FGF14: variants seen among roughly 807,000 people sequenced by gnomAD.
FGF14 encodes the protein fibroblast growth factor 14.
FGF14 carries 5 observed loss-of-function variants against 25.5 expected under a neutral mutation model. The observed-to-expected ratio is 0.20, with a 90% CI of 0.10 to 0.41. FGF14 has a LOEUF of 0.41. Among genes scored for constraint, FGF14 ranks in the 10% least tolerant of loss-of-function variants. The pLI, the probability that FGF14 is intolerant of heterozygous loss-of-function variation, is 1.00. For missense variants in FGF14, 222 were observed against 320.1 expected (o/e 0.69, Z 2.34); for synonymous variants, 138 against 118.3 (o/e 1.17, Z -1.08).
intron 1 of FGF14, among the ~76,000 whole-genome samples, chr13:102,039,247 T>C (rs2041616756): frequency 6.6e-6 from 1 of 152,190 alleles, no homozygotes; most frequent in Non-Finnish European, 1.5e-5. Flanking sequence ...CATTCTCCTG[T>C]TTCAAGATAA....
intron 1 of FGF14, among the ~76,000 whole-genome samples, chr13:102,145,441 T>C (rs768742390): frequency 6.6e-6 from 1 of 152,202 alleles, no homozygotes; most frequent in Non-Finnish European, 1.5e-5. Flanking sequence ...CCTAGATGAA[T>C]GTCATTATGC....
chr13:102,005,697 A>G (rs2039748103), intron 1 of FGF14, among the ~76,000 whole-genome samples: 1 of 152,218 alleles, frequency 6.6e-6, no homozygotes, highest in Non-Finnish European at 1.5e-5. Context: ...TTAATCTTAT[A>G]AAACTAGCTA....
At chr13:102,256,084 T>C (rs1253940943) in intron 1 of FGF14, among the ~76,000 whole-genome samples, 2 of 152,176 alleles carry the variant, frequency 1.3e-5, no homozygotes, top group African/African-American at 2.4e-5. Flanking sequence ...GCACAGCAAT[T>C]ACTCAAACTC....
chr13:101,789,698 G>T (rs1203476691), intron 3 of FGF14, among the ~76,000 whole-genome samples: 1 of 151,804 alleles, frequency 6.6e-6, no homozygotes, highest in Admixed American at 6.6e-5. Context: ...GGTAAACTGG[G>T]GTGAGAAGAC....
At chr13:102,051,897 C>A (rs1212177070) in intron 1 of FGF14, among the ~76,000 whole-genome samples, 2 of 152,110 alleles carry the variant, frequency 1.3e-5, no homozygotes, top group South Asian at 2.1e-4. Flanking sequence ...CCATAATAAT[C>A]TCTTAGTAGC....
intron 1 of FGF14, among the ~76,000 whole-genome samples, chr13:102,323,000 A>G (rs1014104226): frequency 1.3e-5 from 2 of 152,102 alleles, no homozygotes; most frequent in Non-Finnish European, 2.9e-5. Context: ...TTACGCTAGC[A>G]TTTCTTAAAC....
chr13:102,346,860 G>A (rs1022466504), intron 1 of FGF14, among the ~76,000 whole-genome samples: 1 of 152,110 alleles, frequency 6.6e-6, no homozygotes, highest in African/African-American at 2.4e-5. Flanking sequence ...TTTAGTATTA[G>A]TCAACAATAT....
intron 1 of FGF14, among the ~76,000 whole-genome samples, chr13:101,984,680 G>C (rs893840782): frequency 3.9e-5 from 6 of 152,186 alleles, no homozygotes; most frequent in Admixed American, 1.3e-4. Context: ...TCCTAGGTAG[G>C]AGTAGCCTAT....
At position 101,721,921 on chromosome 13, in the gene FGF14, A is replaced by G. The variant is rs2035021978; in HGVS notation, c.*910T>C. 6.6e-6 allele frequency: 1 copy of G among 151,818 alleles called. No homozygotes were observed. The highest frequency in any genetic ancestry group is 1.5e-5 in the Non-Finnish European group (1 of 67,940). The allele number at this position is 151,818 out of a possible 1,614,324, so 9.4% of individuals were successfully genotyped here. ...AAAAATGAACCTTAATCAGGCCTAC[A>G]AGGCCTACAGAAATCTTTGGACCCA... On this transcript the variant is annotated 3_prime_UTR_variant, in exon 5 of 5. Transcript: ENST00000376143.
chr13:102,154,622 A>C (rs1431822302), intron 1 of FGF14, among the ~76,000 whole-genome samples: 1 of 152,184 alleles, frequency 6.6e-6, no homozygotes, highest in Non-Finnish European at 1.5e-5. Context: ...CGAGCAAAAT[A>C]ACCAGCTAAC....
rs1336151162 is a variant in FGF14, at chr13:101,875,580, AATT to A, written c.194-287_194-285del. Among the ~76,000 whole-genome samples the A allele has an allele frequency of 4.6e-5, 7 of 152,242 alleles. No individual in the cohort carries two copies. In the East Asian group the frequency reaches 1.4e-3, roughly 29 times the overall value. On this transcript the variant is annotated intron_variant, in intron 1 of 4. Coordinates refer to ENST00000376143, the MANE Select transcript of FGF14 (RefSeq NM_004115.4). ...ATTAAACTAATTAAGCTGTCAGTTT[AATT>A]ATTAGTTTAAACTATAAACGAATTA...
rs1269906447 is a variant in FGF14 at position 101,713,270 on chromosome 13, C to T, written c.*9561G>A. 6.6e-6 allele frequency: 1 copy of T among 152,180 alleles called. No individual in the cohort carries two copies. The highest frequency in any genetic ancestry group is 1.5e-5 in the Non-Finnish European group (1 of 68,036). The allele number at this position is 152,180 out of a possible 1,614,324, so 9.4% of individuals were successfully genotyped here. A position where few individuals can be genotyped will look rare whatever the true frequency, so the allele number is the denominator to read the frequency against. ...ATGACCACAACTCCTTTTTCCTGAT[C>T]ACTTTAATCACCCAGGCTGTTAACT... On this transcript the variant is annotated 3_prime_UTR_variant, in exon 5 of 5. Transcript: ENST00000376143.
At position 102,145,344 on chromosome 13, in the gene FGF14, G is replaced by A. The variant is rs376646257; in HGVS notation, c.208+256127C>T. On this transcript the variant is annotated intron_variant, in intron 1 of 4. Transcript: ENST00000376131. ...GGTGTTTTGGGCATTGTTGGGTGACGTCTGGATCTGCTAAAGCTGTCTTGC... is the reference window on the plus strand; with the variant it reads ...GGTGTTTTGGGCATTGTTGGGTGACATCTGGATCTGCTAAAGCTGTCTTGC... Among the ~76,000 whole-genome samples, 13 of 152,224 alleles carry A rather than the reference G, an allele frequency of 8.5e-5. No homozygotes were observed. In the South Asian group the frequency reaches 1.0e-3, roughly 12 times the overall value.
chr13:102,363,493 G>A (rs2057623657), intron 1 of FGF14, among the ~76,000 whole-genome samples: 1 of 152,172 alleles, frequency 6.6e-6, no homozygotes, highest in Non-Finnish European at 1.5e-5. Flanking sequence ...ACTGTAAAGT[G>A]CTCTAAAAAT....
intron 1 of FGF14, among the ~76,000 whole-genome samples, chr13:102,276,494 T>A (rs1311631947): frequency 6.6e-6 from 1 of 151,786 alleles, no homozygotes; most frequent in Admixed American, 6.6e-5. Flanking sequence ...GTTCATTGCA[T>A]CTGACACAGA....
At chr13:102,189,100 G>GGAGAGAGA (rs745325798) in intron 1 of FGF14, among the ~76,000 whole-genome samples, 1 of 147,812 alleles carries the variant, frequency 6.8e-6, no homozygotes, top group African/African-American at 2.5e-5. Context: ...GAGAAAGGAG[G>GGAGAGAGA]GAGAGAGAGA....
chr13:102,105,506 G>A (rs1352658451), intron 1 of FGF14, among the ~76,000 whole-genome samples: 1 of 152,142 alleles, frequency 6.6e-6, no homozygotes, highest in Non-Finnish European at 1.5e-5. Flanking sequence ...CCTAATCATG[G>A]AAATTCGGAG....
intron 1 of FGF14, among the ~76,000 whole-genome samples, chr13:102,201,067 C>G (rs1029075553): frequency 6.8e-5 from 9 of 131,686 alleles, no homozygotes; most frequent in African/African-American, 2.3e-4. Flanking sequence ...CGCCACTGCA[C>G]TCCAGCTTGG....
At position 101,842,768 on chromosome 13, in the gene FGF14, T is replaced by C. The variant is rs567619874; in HGVS notation, c.408+25957A>G. Among the ~76,000 whole-genome samples the C allele has an allele frequency of 2.0e-5, 3 of 152,136 alleles. No homozygotes were observed. In the East Asian group the frequency reaches 5.8e-4, roughly 30 times the overall value. On this transcript the variant is annotated intron_variant, in intron 3 of 4. Coordinates refer to ENST00000376143, the MANE Select transcript of FGF14 (RefSeq NM_004115.4). ...TTCATCATGGTTTTAGTCTTTTGCC[T>C]GAAGCATTGTTTGTTTCTATTACAT...
Sources: allele counts gnomAD v4.1 joint callset (sites outside exome capture counted in the v4.1 genomes callset), GRCh38; gene constraint gnomAD v4.1.1; transcripts MANE v1.5; gene names NCBI Gene and HGNC (gene_info 2026-07-23, HGNC 2026-07-21).